C1orf21: variants seen among roughly 807,000 people sequenced by gnomAD.
The protein encoded by C1orf21 is uncharacterized protein C1orf21.
C1orf21 carries 3 observed loss-of-function variants against 18.7 expected under a neutral mutation model. The observed-to-expected ratio is 0.16, with a 90% confidence interval of 0.07 to 0.42. C1orf21 has a LOEUF of 0.42. C1orf21 is among the 10% of genes least tolerant of loss of function. The pLI, the probability that C1orf21 is intolerant of heterozygous loss-of-function variation, is 0.99. For missense variants in C1orf21, 104 were observed against 143.6 expected (o/e 0.72, Z 1.41); for synonymous variants, 41 against 46.4 (o/e 0.88, Z 0.47).
chr1:184,535,975 G>A (rs911840954), intron 3 of C1orf21, among the ~76,000 whole-genome samples: 12 of 152,206 alleles, frequency 7.9e-5, no homozygotes, highest in Non-Finnish European at 1.2e-4. Context: ...CTGAAATGAT[G>A]TGGTTCTTAT....
intron 2 of C1orf21, among the ~76,000 whole-genome samples, chr1:184,486,431 G>A (rs750772220): frequency 6.6e-6 from 1 of 152,140 alleles, no homozygotes; most frequent in Non-Finnish European, 1.5e-5. Flanking sequence ...TTGGAGTTCT[G>A]AGGAGGAACA....
chr1:184,483,711 C>T (rs1657690228), intron 2 of C1orf21, among the ~76,000 whole-genome samples: 1 of 152,096 alleles, frequency 6.6e-6, no homozygotes, highest in Non-Finnish European at 1.5e-5. Flanking sequence ...CTTGTTTGTT[C>T]CTTTGCTTGT....
At chr1:184,439,907 G>T (rs1426814246) in intron 1 of C1orf21, among the ~76,000 whole-genome samples, 2 of 152,168 alleles carry the variant, frequency 1.3e-5, no homozygotes, top group Non-Finnish European at 2.9e-5. Context: ...GATTTATTTA[G>T]GTTTTTGTGG....
chr1:184,574,065 C>T (rs915110422), intron 3 of C1orf21, among the ~76,000 whole-genome samples: 4 of 151,896 alleles, frequency 2.6e-5, no homozygotes, highest in Non-Finnish European at 5.9e-5. Context: ...ATTAGCTGGG[C>T]GTGGTGGTAC....
intron 3 of C1orf21, among the ~76,000 whole-genome samples, chr1:184,528,642 A>G (rs1431934342): frequency 6.6e-6 from 1 of 152,128 alleles, no homozygotes; most frequent in African/African-American, 2.4e-5. Flanking sequence ...ACAAGGTTTC[A>G]GCATGTTGGC....
chr1:184,627,003 A>T lies in C1orf21; in HGVS notation c.*7447A>T, dbSNP rs1660022208. On this transcript the variant is annotated 3_prime_UTR_variant, in exon 6 of 6. Transcript: ENST00000235307. ...GGACAGCCTTCCCCTGGATTAGGTC[A>T]CATACACCTGGTGGCCAAGCCTCTG... The T allele has an allele frequency of 6.6e-6, 1 of 152,662 alleles. No individual in the cohort carries two copies. Among genetic ancestry groups the T allele is most frequent in the African/African-American group, 2.4e-5 (1 of 41,450 alleles). 9.5% of individuals were successfully genotyped at this position (152,662 alleles called of 1,614,324 possible).
intron 3 of C1orf21, among the ~76,000 whole-genome samples, chr1:184,585,908 G>A (rs1463572568): frequency 6.6e-6 from 1 of 152,158 alleles, no homozygotes; most frequent in Non-Finnish European, 1.5e-5. Context: ...TTGCTATTGT[G>A]AGTAGTTCTG....
intron 3 of C1orf21, among the ~76,000 whole-genome samples, chr1:184,572,337 T>C (rs1367044502): frequency 5.3e-5 from 8 of 152,102 alleles, no homozygotes; most frequent in Non-Finnish European, 1.0e-4. Context: ...AGAGGAGGCG[T>C]AGGAAGAGGG....
At chr1:184,400,307 TG>T (rs1470391939) in intron 1 of C1orf21, among the ~76,000 whole-genome samples, 1 of 152,192 alleles carries the variant, frequency 6.6e-6, no homozygotes, top group African/African-American at 2.4e-5. Flanking sequence ...TCATTGCCTT[TG>T]AGCTGGTCAT....
intron 3 of C1orf21, among the ~76,000 whole-genome samples, chr1:184,524,339 C>A (rs1278281773): frequency 1.3e-5 from 2 of 152,036 alleles, no homozygotes; most frequent in Non-Finnish European, 2.9e-5. Flanking sequence ...TAATTCTATT[C>A]TTACGTATGA....
intron 1 of C1orf21, among the ~76,000 whole-genome samples, chr1:184,393,271 AG>A (rs1433159094): frequency 1.3e-5 from 2 of 152,168 alleles, no homozygotes; most frequent in South Asian, 2.1e-4. Context: ...GCCTGACAGT[AG>A]ACTTCTTGCT....
intron 3 of C1orf21, among the ~76,000 whole-genome samples, chr1:184,589,210 A>G (rs528372304): frequency 2.0e-5 from 3 of 152,324 alleles, no homozygotes; most frequent in South Asian, 2.1e-4. Flanking sequence ...GGTCTTGTTC[A>G]TTTTCAGTGT....
At chr1:184,570,266 TTTTTG>T (rs1659090674) in intron 3 of C1orf21, among the ~76,000 whole-genome samples, 1 of 152,196 alleles carries the variant, frequency 6.6e-6, no homozygotes, top group Non-Finnish European at 1.5e-5. Context: ...GCGTATATCC[TTTTTG>T]TTTTGTTTGT....
In C1orf21 at chr1:184,410,854, G is replaced by A. The variant is rs557770047; in HGVS notation, c.-125+23486G>A. Among the ~76,000 whole-genome samples, 70 of 147,860 alleles carry A rather than the reference G, an allele frequency of 4.7e-4. 1 individual carries two copies. The highest frequency in any genetic ancestry group is 2.0e-3 in the Admixed American group (29 of 14,700). ...TTTAGTAGAGTCGGGGTTTTGCCACGTTGTCCAGGCTGGTCTCGCTCTCCT... is the reference window on the plus strand; with the variant it reads ...TTTAGTAGAGTCGGGGTTTTGCCACATTGTCCAGGCTGGTCTCGCTCTCCT... On this transcript the variant is annotated intron_variant, in intron 1 of 5. Transcript: ENST00000235307.
At chr1:184,422,196 G>T (rs893483240) in intron 1 of C1orf21, among the ~76,000 whole-genome samples, 2 of 152,162 alleles carry the variant, frequency 1.3e-5, no homozygotes, top group Admixed American at 1.3e-4. Context: ...GGATGTTCCC[G>T]TTGCTGATCC....
At chr1:184,508,099 G>A (rs1249494077) in intron 3 of C1orf21, among the ~76,000 whole-genome samples, 1 of 152,060 alleles carries the variant, frequency 6.6e-6, no homozygotes, top group Non-Finnish European at 1.5e-5. Flanking sequence ...GGAATCAAAG[G>A]TCATTTTCAA....
At position 184,619,449 on chromosome 1, in the gene C1orf21, A is replaced by G. The variant is rs1659881811; in HGVS notation, c.328-69A>G. On this transcript the variant is annotated intron_variant, in intron 5 of 5. Coordinates refer to ENST00000235307, the MANE Select transcript of C1orf21 (RefSeq NM_030806.4). ...GACATATATTGAGAGAAAATTGATT[A>G]CAAGTAACTATTTCAGGCTCTGCTT... is the stretch of plus-strand genomic sequence containing the variant. The G allele has an allele frequency of 2.2e-5, 33 of 1,521,098 alleles. No homozygotes were observed. The East Asian group carries it at 7.4e-4, about 34-fold the overall frequency. 94.2% of individuals were successfully genotyped at this position (1,521,098 alleles called of 1,614,324 possible).
chr1:184,541,550 C>T (rs990084211), intron 3 of C1orf21, among the ~76,000 whole-genome samples: 1 of 152,156 alleles, frequency 6.6e-6, no homozygotes, highest in Non-Finnish European at 1.5e-5. Flanking sequence ...ATATCTTGTG[C>T]TCAGACCCTG....
chr1:184,429,386 C>A (rs1656695808), intron 1 of C1orf21, among the ~76,000 whole-genome samples: 1 of 152,130 alleles, frequency 6.6e-6, no homozygotes. Context: ...ATGTCGTTTG[C>A]AAATGACATA....
Sources: allele counts gnomAD v4.1 joint callset (sites outside exome capture counted in the v4.1 genomes callset), GRCh38; gene constraint gnomAD v4.1.1; transcripts MANE v1.5; gene names NCBI Gene and HGNC (gene_info 2026-07-23, HGNC 2026-07-21).